The following PKD2L2 variants were observed in gnomAD, a reference collection of about 807,000 sequenced individuals.
PKD2L2 encodes the protein polycystin-2-like protein 2.
PKD2L2 carries 67 observed loss-of-function variants against 83.9 expected under a neutral mutation model. The ratio of observed to expected loss-of-function variants is 0.80; its 90% CI spans 0.66 to 0.98. The LOEUF (loss-of-function observed/expected upper bound fraction) is 0.98. PKD2L2 is among the 50% of genes least tolerant of loss of function. The pLI, the probability that PKD2L2 is intolerant of heterozygous loss-of-function variation, is 0.00. For synonymous variants in PKD2L2, 223 were observed against 237.8 expected (o/e 0.94, Z 0.57); for missense variants, 632 against 717.2 (o/e 0.88, Z 1.36).
chr5:137,942,015 G>A, intron 14 of PKD2L2: 2 of 1,613,818 alleles, frequency 1.2e-6, no homozygotes, highest in Middle Eastern at 1.7e-4. Flanking sequence ...TTTCAGCTCT[G>A]GCTTTCCAAA....
intron 8 of PKD2L2, among the ~76,000 whole-genome samples, chr5:137,912,405 T>C (rs1455990234): frequency 1.3e-5 from 2 of 152,168 alleles, no homozygotes; most frequent in African/African-American, 4.8e-5. Context: ...CTTGCTCTGT[T>C]GCCCAGGCTG....
chr5:137,924,916 T>C, intron 10 of PKD2L2, 124 bp from the exon 11 acceptor site: 1 of 644,308 alleles, frequency 1.6e-6, no homozygotes, highest in Non-Finnish European at 2.8e-6. Flanking sequence ...AGCATTTACC[T>C]CCACAGTCCT....
chr5:137,933,066 A>C (rs1474662162), intron 12 of PKD2L2, among the ~76,000 whole-genome samples: 1 of 151,052 alleles, frequency 6.6e-6, no homozygotes, highest in Non-Finnish European at 1.5e-5. Flanking sequence ...AAAAAAAAAA[A>C]CCCACGACCT....
intron 2 of PKD2L2, 104 bp from the exon 3 acceptor site, chr5:137,892,376 A>T: frequency 2.0e-6 from 1 of 508,814 alleles, no homozygotes; most frequent in Non-Finnish European, 3.2e-6. Context: ...TAATTAGATT[A>T]ATAAAGTTTA....
At chr5:137,928,458 G>T (rs2150054517) in intron 12 of PKD2L2, among the ~76,000 whole-genome samples, 1 of 151,972 alleles carries the variant, frequency 6.6e-6, no homozygotes, top group African/African-American at 2.4e-5. Flanking sequence ...ATACGACAAG[G>T]TTAGCTCTGT....
intron 8 of PKD2L2, among the ~76,000 whole-genome samples, chr5:137,915,077 A>C (rs900371493): frequency 6.6e-6 from 1 of 152,058 alleles, no homozygotes; most frequent in African/African-American, 2.4e-5. Context: ...TTGGCCTGTA[A>C]TTTTCTTTTC....
Position 137,894,362 on chromosome 5 carries a change from G to A in PKD2L2, c.277G>A (p.Gly93Arg), listed in dbSNP as rs1411877106. 1 of 1,600,528 alleles carries A rather than the reference G, an allele frequency of 6.2e-7. No individual in the cohort carries two copies. Among genetic ancestry groups the A allele is most frequent in the African/African-American group, 1.3e-5 (1 of 74,544 alleles). ...SITDFWKFME[G>R]PLLEGLYWDS... ...GTTTTTCTCTGTGGAGTTTATGGAAGGACCCCTTTTGGAAGGTCTGTACTG... is the reference window on the plus strand; with the variant it reads ...GTTTTTCTCTGTGGAGTTTATGGAAAGACCCCTTTTGGAAGGTCTGTACTG... The change falls in exon 4 of 15, where the codon GGA (glycine) becomes AGA (arginine). Residue 93 changes from glycine to arginine, a missense_variant. Physicochemically the swap from Gly to Arg is moderately radical, Grantham distance 125. Transcript: ENST00000508883.
chr5:137,909,948 G>T (rs1757678396), intron 8 of PKD2L2, among the ~76,000 whole-genome samples: 1 of 151,962 alleles, frequency 6.6e-6, no homozygotes, highest in Non-Finnish European at 1.5e-5. Context: ...ATAGCTTTAG[G>T]CTGGGTGCCA....
At chr5:137,901,605 CT>C (rs1379342177) in intron 5 of PKD2L2, among the ~76,000 whole-genome samples, 8 of 152,186 alleles carry the variant, frequency 5.3e-5, no homozygotes, top group Non-Finnish European at 4.4e-5. Context: ...AGCTTCCAGT[CT>C]TTTGGTTGTA....
At chr5:137,897,385 A>G (rs1580895804) in intron 4 of PKD2L2, among the ~76,000 whole-genome samples, 1 of 152,124 alleles carries the variant, frequency 6.6e-6, no homozygotes, top group Non-Finnish European at 1.5e-5. Context: ...AGTACTATTC[A>G]CTTTCTTTCA....
At chr5:137,924,021 G>A (rs771855357) in intron 10 of PKD2L2, among the ~76,000 whole-genome samples, 3 of 152,014 alleles carry the variant, frequency 2.0e-5, no homozygotes, top group African/African-American at 4.8e-5. Flanking sequence ...CTATTGTCAC[G>A]GCACATGTAT....
chr5:137,901,821 A>G (rs1756984177), intron 5 of PKD2L2, among the ~76,000 whole-genome samples: 1 of 152,214 alleles, frequency 6.6e-6, no homozygotes, highest in Non-Finnish European at 1.5e-5. Context: ...CAGAGAGAAC[A>G]CCATGAAAGT....
At chr5:137,920,756 T>TA (rs11455899) in intron 8 of PKD2L2, among the ~76,000 whole-genome samples, 104,075 of 143,708 alleles carry the variant, frequency 0.72, 37,760 homozygotes, top group East Asian at 0.87. Context: ...AAACTCCATC[T>TA]AAAAAAAAAA....
In PKD2L2 at chr5:137,942,320, A is replaced by T. The variant is rs146846332; in HGVS notation, c.*18-64A>T. On this transcript the variant is annotated intron_variant, in intron 14 of 14. Coordinates refer to ENST00000508883, the MANE Select transcript of PKD2L2 (RefSeq NM_001300921.2). ...ATATAGAACAAAAAGATCAACTCGC[A>T]ACTAGTTCCTGTACTTTGTTATAAA... 7.3e-5 allele frequency: 30 copies of T among 408,934 alleles called. No individual in the cohort carries two copies. In the East Asian group the frequency reaches 1.1e-3, roughly 15 times the overall value. The allele number at this position is 408,934 out of a possible 1,614,324, so 25.3% of individuals were successfully genotyped here. A position where few individuals can be genotyped will look rare whatever the true frequency, so the allele number is the denominator to read the frequency against.
rs776364573 is a variant in PKD2L2, at chr5:137,935,893, C to G, written c.1768C>G (p.Gln590Glu). The change falls in exon 13 of 15, where the codon CAA becomes GAA. Residue 590 changes from glutamine to glutamate, a missense_variant. This residue lies in a region of PKD2L2 where 399 missense variants were observed against 416.9 expected (regional missense o/e 0.96). Coordinates refer to ENST00000508883, the MANE Select transcript of PKD2L2 (RefSeq NM_001300921.2). ...EIQDDYQPVT[Q>E]EEFRELFLYA... ...TCAAGATGACTACCAGCCTGTCACTCAAGAAGAATTTCGAGAGTAAGCTTA... is the reference window on the plus strand; with the variant it reads ...TCAAGATGACTACCAGCCTGTCACTGAAGAAGAATTTCGAGAGTAAGCTTA... 1.3e-6 allele frequency: 2 copies of G among 1,576,624 alleles called. No individual in the cohort carries two copies. Among genetic ancestry groups the G allele is most frequent in the South Asian group, 2.2e-5 (2 of 90,132 alleles).
intron 5 of PKD2L2, 105 bp from the exon 6 acceptor site, chr5:137,906,099 CTG>C: frequency 1.6e-6 from 1 of 637,278 alleles, no homozygotes; most frequent in Non-Finnish European, 2.7e-6. Context: ...TTAAAAAAAA[CTG>C]ATTATCATTA....
intron 4 of PKD2L2, among the ~76,000 whole-genome samples, chr5:137,898,791 G>A (rs1756710156): frequency 6.6e-6 from 1 of 151,802 alleles, no homozygotes; most frequent in Non-Finnish European, 1.5e-5. Flanking sequence ...GAGTGCGGTA[G>A]TGCAATCATA....
intron 4 of PKD2L2, among the ~76,000 whole-genome samples, chr5:137,898,485 T>C (rs1361218154): frequency 6.6e-6 from 1 of 152,114 alleles, no homozygotes; most frequent in Non-Finnish European, 1.5e-5. Context: ...AGAAACAACC[T>C]GTTAAAGAAA....
At chr5:137,934,504 C>T (rs1760141208) in intron 12 of PKD2L2, among the ~76,000 whole-genome samples, 1 of 152,104 alleles carries the variant, frequency 6.6e-6, no homozygotes, top group South Asian at 2.1e-4. Flanking sequence ...CCATCCTTTC[C>T]TACTTCGAAT....
Sources: allele counts gnomAD v4.1 joint callset (sites outside exome capture counted in the v4.1 genomes callset), GRCh38; gene constraint gnomAD v4.1.1; regional missense constraint gnomAD v4.1.1; transcripts MANE v1.5; gene names NCBI Gene and HGNC (gene_info 2026-07-23, HGNC 2026-07-21).